NAALADL2: variants seen among roughly 807,000 people sequenced by gnomAD.
NAALADL2 encodes the protein N-acetylated alpha-linked acidic dipeptidase like 2.
NAALADL2 carries 76 observed loss-of-function variants against 87.2 expected under a neutral mutation model. The observed-to-expected ratio is 0.87, with a 90% CI of 0.72 to 1.05. The LOEUF (loss-of-function observed/expected upper bound fraction) is 1.05. NAALADL2 is among the 50% of genes least tolerant of loss of function. NAALADL2 has a pLI of 0.00. For missense variants in NAALADL2, 1,089 were observed against 945.8 expected (o/e 1.15, Z -1.99); for synonymous variants, 354 against 331.0 (o/e 1.07, Z -0.75).
At chr3:175,085,072 G>A (rs893202448) in intron 1 of NAALADL2, among the ~76,000 whole-genome samples, 1 of 152,122 alleles carries the variant, frequency 6.6e-6, no homozygotes, top group South Asian at 2.1e-4. Flanking sequence ...GTTGAGTTAT[G>A]TTCTCCTGTG....
chr3:175,464,024 C>G (rs1723595098), intron 7 of NAALADL2, among the ~76,000 whole-genome samples: 2 of 152,072 alleles, frequency 1.3e-5, no homozygotes, highest in Admixed American at 1.3e-4. Flanking sequence ...TTAGTAGAGA[C>G]AGGGTTTCAC....
chr3:174,702,869 TTA>T (rs1293840080), intron 2 of NAALADL2, among the ~76,000 whole-genome samples: 1 of 152,180 alleles, frequency 6.6e-6, no homozygotes, highest in Non-Finnish European at 1.5e-5. Flanking sequence ...ATTTTGTAGT[TTA>T]TGATTGATTT....
chr3:175,070,541 C>T lies in NAALADL2; in HGVS notation c.44-26249C>T, dbSNP rs148457592. On this transcript the variant is annotated intron_variant, in intron 1 of 13. Transcript: ENST00000454872. ...TGGCTGGCTTTTAAAAATTGATAAC[C>T]TTATTATAATTACTAAAGTGTAGCA... 8.3e-3 allele frequency among the ~76,000 whole-genome samples: 1,268 copies of T among 152,092 alleles called. 14 individuals are homozygous for T. Among genetic ancestry groups the T allele is most frequent in the African/African-American group, 0.029 (1,212 of 41,492 alleles).
chr3:174,710,390 G>A (rs1228971136), intron 2 of NAALADL2, among the ~76,000 whole-genome samples: 1 of 151,864 alleles, frequency 6.6e-6, no homozygotes, highest in Non-Finnish European at 1.5e-5. Flanking sequence ...GAGTAGCTGG[G>A]ATTACAAGAA....
intron 11 of NAALADL2, among the ~76,000 whole-genome samples, chr3:175,714,029 C>A (rs1404880983): frequency 6.6e-6 from 1 of 152,110 alleles, no homozygotes; most frequent in Non-Finnish European, 1.5e-5. Flanking sequence ...TGGTTTCCAG[C>A]TTCACCCATG....
chr3:175,646,248 A>C (rs2149775210), intron 11 of NAALADL2, among the ~76,000 whole-genome samples: 1 of 152,132 alleles, frequency 6.6e-6, no homozygotes, highest in South Asian at 2.1e-4. Context: ...ATGCCAATAT[A>C]TTTAAAAGTG....
chr3:175,715,953 CTTCA>C (rs1400200417), intron 11 of NAALADL2, among the ~76,000 whole-genome samples: 1 of 151,492 alleles, frequency 6.6e-6, no homozygotes, highest in African/African-American at 2.4e-5. Flanking sequence ...TTTACAAATC[CTTCA>C]TTCATTCATT....
chr3:175,721,203 G>A (rs995128801), intron 11 of NAALADL2, among the ~76,000 whole-genome samples: 3 of 151,906 alleles, frequency 2.0e-5, no homozygotes, highest in Non-Finnish European at 4.4e-5. Flanking sequence ...AAGATTTAAT[G>A]TGCCCAACCT....
intron 9 of NAALADL2, among the ~76,000 whole-genome samples, chr3:175,561,212 T>A (rs1716221189): frequency 6.6e-6 from 1 of 152,172 alleles, no homozygotes; most frequent in Non-Finnish European, 1.5e-5. Flanking sequence ...AAATCCCTGA[T>A]ATAAAATTGG....
intron 9 of NAALADL2, among the ~76,000 whole-genome samples, chr3:175,476,257 C>A (rs7349520): frequency 6.6e-6 from 1 of 151,998 alleles, no homozygotes; most frequent in Non-Finnish European, 1.5e-5. Flanking sequence ...AGCCTACTGA[C>A]GTGCTAGATA....
At chr3:175,484,720 A>G (rs1402374440) in intron 9 of NAALADL2, among the ~76,000 whole-genome samples, 1 of 152,156 alleles carries the variant, frequency 6.6e-6, no homozygotes, top group Non-Finnish European at 1.5e-5. Context: ...TAAAAGCTGT[A>G]GTTAACGACT....
intron 2 of NAALADL2, among the ~76,000 whole-genome samples, chr3:175,182,334 C>T (rs1435152448): frequency 6.6e-6 from 1 of 151,798 alleles, no homozygotes; most frequent in Non-Finnish European, 1.5e-5. Context: ...ATATTTTCTC[C>T]TAATTCATAC....
At chr3:175,300,210 C>T (rs1156728181) in intron 4 of NAALADL2, among the ~76,000 whole-genome samples, 2 of 151,542 alleles carry the variant, frequency 1.3e-5, no homozygotes, top group African/African-American at 2.4e-5. Context: ...TGAGGATTTC[C>T]GCATTGATGT....
At chr3:175,638,194 A>T (rs1249468590) in intron 11 of NAALADL2, among the ~76,000 whole-genome samples, 1 of 152,208 alleles carries the variant, frequency 6.6e-6, no homozygotes, top group African/African-American at 2.4e-5. Context: ...CTCCTGAATG[A>T]CAATCAGTTT....
intron 1 of NAALADL2, among the ~76,000 whole-genome samples, chr3:174,451,670 A>G (rs960507966): frequency 2.0e-5 from 3 of 152,132 alleles, no homozygotes; most frequent in African/African-American, 7.2e-5. Flanking sequence ...GCTCTTATTC[A>G]TGTGCCTTCT....
intron 1 of NAALADL2, among the ~76,000 whole-genome samples, chr3:174,862,412 C>CGTATA (rs933005084): frequency 7.2e-5 from 11 of 152,012 alleles, no homozygotes; most frequent in African/African-American, 2.7e-4. Flanking sequence ...CATCCTTGAA[C>CGTATA]GTATAAGGGC....
chr3:175,167,840 T>G (rs944853018), intron 2 of NAALADL2, among the ~76,000 whole-genome samples: 4 of 152,030 alleles, frequency 2.6e-5, no homozygotes, highest in Non-Finnish European at 5.9e-5. Flanking sequence ...TACCCATGTC[T>G]TATTCCTTTA....
At chr3:175,022,460 A>C (rs148298511) in intron 1 of NAALADL2, among the ~76,000 whole-genome samples, 1 of 152,176 alleles carries the variant, frequency 6.6e-6, no homozygotes, top group Non-Finnish European at 1.5e-5. Flanking sequence ...ACTACAATGT[A>C]GCATATGTCA....
intron 11 of NAALADL2, among the ~76,000 whole-genome samples, chr3:175,672,813 G>A (rs1410102814): frequency 1.3e-5 from 2 of 152,120 alleles, no homozygotes; most frequent in Non-Finnish European, 2.9e-5. Flanking sequence ...TTGTAAATCT[G>A]ATAATCTTGT....
Sources: allele counts gnomAD v4.1 joint callset (sites outside exome capture counted in the v4.1 genomes callset), GRCh38; gene constraint gnomAD v4.1.1; transcripts MANE v1.5; gene names NCBI Gene and HGNC (gene_info 2026-07-23, HGNC 2026-07-21).